NCAM2: variants seen among roughly 807,000 people sequenced by gnomAD.
NCAM2 encodes the protein N-CAM-2.
NCAM2 carries 30 observed loss-of-function variants against 98.1 expected under a neutral mutation model. That is an observed-to-expected ratio of 0.31 (90% CI 0.23 to 0.41). The LOEUF is 0.41. Ranked by LOEUF, NCAM2 falls within the 10% of genes least tolerant of loss-of-function variation. The pLI, the probability that NCAM2 is intolerant of heterozygous loss-of-function variation, is 1.00. For synonymous variants in NCAM2, 368 were observed against 342.4 expected, an observed-to-expected ratio of 1.07 and a Z score of -0.83; for missense variants, 867 against 1,005.8, an observed-to-expected ratio of 0.86 and a Z score of 1.87.
intron 1 of NCAM2, among the ~76,000 whole-genome samples, chr21:21,027,577 A>G (rs2064577697): frequency 6.6e-6 from 1 of 152,204 alleles, no homozygotes; most frequent in African/African-American, 2.4e-5. Context: ...GATTTCTTCA[A>G]TGATAAAATA....
intron 1 of NCAM2, among the ~76,000 whole-genome samples, chr21:21,152,455 T>A (rs116700578): frequency 0.012 from 1,897 of 152,098 alleles, 45 homozygotes; most frequent in African/African-American, 0.043. Flanking sequence ...TATATGTTGG[T>A]CGTCGTGATT....
intron 8 of NCAM2, among the ~76,000 whole-genome samples, chr21:21,354,633 T>C (rs2075423131): frequency 6.6e-6 from 1 of 152,254 alleles, no homozygotes; most frequent in African/African-American, 2.4e-5. Context: ...TTTGAATTAA[T>C]GTGATACAAA....
intron 1 of NCAM2, among the ~76,000 whole-genome samples, chr21:21,122,102 A>G (rs1472856425): frequency 6.6e-6 from 1 of 152,234 alleles, no homozygotes; most frequent in Non-Finnish European, 1.5e-5. Flanking sequence ...CCTAAAAACT[A>G]TGAAGTTAGA....
intron 1 of NCAM2, among the ~76,000 whole-genome samples, chr21:21,268,885 C>A (rs1053788132): frequency 6.6e-6 from 1 of 152,088 alleles, no homozygotes; most frequent in African/African-American, 2.4e-5. Context: ...GAGTTACAGT[C>A]TAAGCACAGG....
chr21:21,244,022 T>A (rs1004386504), intron 1 of NCAM2, among the ~76,000 whole-genome samples: 4 of 152,168 alleles, frequency 2.6e-5, no homozygotes, highest in Admixed American at 2.0e-4. Flanking sequence ...ATGGGTAAAT[T>A]TTAAGAGCTT....
chr21:21,262,658 C>CAAAAAAAAAAAAAAAAAAAAA (rs33912324), intron 1 of NCAM2, among the ~76,000 whole-genome samples: 1 of 78,956 alleles, frequency 1.3e-5, no homozygotes, highest in Non-Finnish European at 2.3e-5. Context: ...AACAATCAGT[C>CAAAAAAAAAAAAAAAAAAAAA]AAAAAAAAAA....
chr21:21,270,741 C>A (rs1372447873), intron 1 of NCAM2, among the ~76,000 whole-genome samples: 2 of 152,034 alleles, frequency 1.3e-5, no homozygotes, highest in African/African-American at 4.8e-5. Context: ...ATGTATTTCA[C>A]TTTAATTTTT....
intron 8 of NCAM2, among the ~76,000 whole-genome samples, chr21:21,343,069 A>T (rs1476514838): frequency 6.6e-6 from 1 of 152,200 alleles, no homozygotes; most frequent in African/African-American, 2.4e-5. Flanking sequence ...ATAATTGAAA[A>T]GTCAGAAGAA....
chr21:21,381,863 C>G (rs1298668013), intron 9 of NCAM2, among the ~76,000 whole-genome samples: 1 of 151,930 alleles, frequency 6.6e-6, no homozygotes, highest in Non-Finnish European at 1.5e-5. Context: ...GAAGTTTCTT[C>G]TCCATTTCTT....
At chr21:21,499,722 A>G (rs1569121460) in intron 15 of NCAM2, among the ~76,000 whole-genome samples, 1 of 152,218 alleles carries the variant, frequency 6.6e-6, no homozygotes, top group African/African-American at 2.4e-5. Context: ...TAACATATGT[A>G]TATAATGACT....
chr21:21,162,515 T>C (rs1374402080), intron 1 of NCAM2, among the ~76,000 whole-genome samples: 1 of 152,106 alleles, frequency 6.6e-6, no homozygotes, highest in Non-Finnish European at 1.5e-5. Flanking sequence ...ACAATTTACA[T>C]ATGACTGTGG....
intron 1 of NCAM2, among the ~76,000 whole-genome samples, chr21:21,068,130 T>C (rs556552824): frequency 1.5e-5 from 2 of 130,482 alleles, no homozygotes; most frequent in South Asian, 5.1e-4. Context: ...TAATGACTTT[T>C]TTTTCTTTTT....
At chr21:21,509,198 T>C (rs1190686925) in intron 16 of NCAM2, 143 bp downstream of exon 16, 19 of 689,096 alleles carry the variant, frequency 2.8e-5, no homozygotes, top group Non-Finnish European at 7.2e-6. Flanking sequence ...GCCTGCTCTC[T>C]GACCTTGAAA....
intron 1 of NCAM2, among the ~76,000 whole-genome samples, chr21:21,013,593 C>G (rs1301301652): frequency 6.6e-6 from 1 of 152,018 alleles, no homozygotes; most frequent in Non-Finnish European, 1.5e-5. Context: ...ACCAGCCTGA[C>G]CAACATGGTG....
chr21:21,210,816 C>A, intron 1 of NCAM2: 40 of 303,914 alleles, frequency 1.3e-4, no homozygotes, highest in Admixed American at 2.7e-4. Context: ...TCTTGTAGTT[C>A]AAAGGGATAC....
At chr21:21,111,714 T>C (rs1478841376) in intron 1 of NCAM2, among the ~76,000 whole-genome samples, 2 of 152,266 alleles carry the variant, frequency 1.3e-5, no homozygotes, top group East Asian at 3.9e-4. Context: ...TTATTTCTTT[T>C]TTCTTCCCAA....
chr21:21,340,322 T>C (rs1414408844), intron 8 of NCAM2, among the ~76,000 whole-genome samples: 1 of 151,976 alleles, frequency 6.6e-6, no homozygotes, highest in Non-Finnish European at 1.5e-5. Context: ...TTATATATTA[T>C]GCAGAGAATG....
At chr21:21,107,524 A>G (rs1458810221) in intron 1 of NCAM2, among the ~76,000 whole-genome samples, 3 of 152,066 alleles carry the variant, frequency 2.0e-5, no homozygotes, top group African/African-American at 7.2e-5. Context: ...TTCCCTCTAC[A>G]TATTAACTAT....
chr21:21,097,501 CAG>C (rs202062098), intron 1 of NCAM2, among the ~76,000 whole-genome samples: 6 of 151,618 alleles, frequency 4.0e-5, no homozygotes, highest in Admixed American at 2.0e-4. Flanking sequence ...ATTTTTTTAA[CAG>C]AGATACATTT....
Sources: allele counts gnomAD v4.1 joint callset (sites outside exome capture counted in the v4.1 genomes callset), GRCh38; gene constraint gnomAD v4.1.1; transcripts MANE v1.5; gene names NCBI Gene and HGNC (gene_info 2026-07-23, HGNC 2026-07-21).